The following DPY19L3 variants were observed in gnomAD, a reference collection of about 807,000 sequenced individuals.
DPY19L3 encodes the protein protein C-mannosyl-transferase DPY19L3.
In DPY19L3, 51 loss-of-function variants were observed where a neutral mutation model predicts 92.3. The observed-to-expected ratio is 0.55, with a 90% CI of 0.44 to 0.70. The LOEUF (loss-of-function observed/expected upper bound fraction) is 0.70. DPY19L3 is among the 30% of genes least tolerant of loss of function. DPY19L3 has a pLI of 0.00. For synonymous variants in DPY19L3, 309 were observed against 315.2 expected, an observed-to-expected ratio of 0.98 and a Z score of 0.21; for missense variants, 706 against 855.9, an observed-to-expected ratio of 0.82 and a Z score of 2.18.
chr19:32,422,568 A>AG (rs1968607359), intron 3 of DPY19L3, among the ~76,000 whole-genome samples: 1 of 151,912 alleles, frequency 6.6e-6, no homozygotes, highest in South Asian at 2.1e-4. Context: ...GAGGACAAAG[A>AG]GCAGCAAGCA....
chr19:32,432,814 C>T lies in DPY19L3; in HGVS notation c.328+8C>T. 6.2e-7 allele frequency: 1 copy of T among 1,612,610 alleles called. No individual in the cohort carries two copies. The highest frequency in any genetic ancestry group is 8.5e-7 in the Non-Finnish European group (1 of 1,178,922). On this transcript the variant is annotated splice_region_variant and intron_variant, in intron 4 of 18. Coordinates refer to ENST00000392250, the MANE Select transcript of DPY19L3 (RefSeq NM_001172774.2). Reference sequence around the variant, plus strand: ...CTCCAACCCTCGTGCAAGGTAATTACAACTGATAGTTTCATTTGGGGTCTC... The same window carrying T: ...CTCCAACCCTCGTGCAAGGTAATTATAACTGATAGTTTCATTTGGGGTCTC...
rs532981830 is a variant in DPY19L3 at position 32,454,521 on chromosome 19, C to T, written c.988-418C>T. ...CCCAGGAGGCGGAGCTTGCAGTGAG[C>T]GGAGATTGCTCTGCTGCCCTCCAGC... On this transcript the variant is annotated intron_variant, in intron 9 of 18. Coordinates refer to ENST00000392250, the MANE Select transcript of DPY19L3 (RefSeq NM_001172774.2). Among the ~76,000 whole-genome samples, 5 of 152,158 alleles carry T rather than the reference C, an allele frequency of 3.3e-5. No homozygotes were observed. The South Asian group carries it at 6.2e-4, about 19-fold the overall frequency.
Position 32,483,277 on chromosome 19 carries a change from G to A in DPY19L3, c.*1037G>A, listed in dbSNP as rs934135236. On this transcript the variant is annotated 3_prime_UTR_variant, in exon 19 of 19. Transcript: ENST00000392250. ...TGTGGTCTCCAATCTTACTGGGAAG[G>A]CCCTGGTAGTGTAATTCTTTTCCTT... 6.6e-6 allele frequency: 1 copy of A among 152,518 alleles called. No individual in the cohort carries two copies. The highest frequency in any genetic ancestry group is 6.5e-5 in the Admixed American group (1 of 15,270). 9.4% of individuals were successfully genotyped at this position (152,518 alleles called of 1,614,324 possible).
At chr19:32,478,726 C>T (rs555218008) in intron 17 of DPY19L3, among the ~76,000 whole-genome samples, 11 of 152,332 alleles carry the variant, frequency 7.2e-5, no homozygotes, top group African/African-American at 2.6e-4. Flanking sequence ...AGTATATTAA[C>T]AGCTTCCTTC....
intron 2 of DPY19L3, among the ~76,000 whole-genome samples, chr19:32,408,679 T>C (rs905490254): frequency 6.6e-6 from 1 of 152,226 alleles, no homozygotes; most frequent in Non-Finnish European, 1.5e-5. Flanking sequence ...TGGTCGTGTA[T>C]ACTATTTACA....
intron 15 of DPY19L3, among the ~76,000 whole-genome samples, chr19:32,467,095 C>T (rs866081499): frequency 1.3e-5 from 2 of 152,232 alleles, no homozygotes. Flanking sequence ...CTAGCCTGCA[C>T]TCCGAAGTCA....
chr19:32,413,858 T>A (rs1276819380), intron 3 of DPY19L3, among the ~76,000 whole-genome samples: 1 of 152,084 alleles, frequency 6.6e-6, no homozygotes, highest in Admixed American at 6.6e-5. Context: ...CCCGAGTAGC[T>A]GGGACCACAG....
chr19:32,425,257 A>G (rs531654840), intron 3 of DPY19L3, among the ~76,000 whole-genome samples: 52 of 152,336 alleles, frequency 3.4e-4, no homozygotes, highest in Middle Eastern at 3.4e-3. Context: ...TTGTACTCCA[A>G]AGTACACCAT....
At chr19:32,456,005 G>GTCCT (rs1320607022) in intron 10 of DPY19L3, among the ~76,000 whole-genome samples, 1 of 151,220 alleles carries the variant, frequency 6.6e-6, no homozygotes, top group Non-Finnish European at 1.5e-5. Flanking sequence ...GAGAACTGTG[G>GTCCT]TCCTTGTTCA....
chr19:32,421,716 A>G (rs17832737), intron 3 of DPY19L3, among the ~76,000 whole-genome samples: 26,223 of 151,510 alleles, frequency 0.17, 3,064 homozygotes, highest in East Asian at 0.45. Context: ...AGTTAGTGGC[A>G]TCTCCTAAGG....
chr19:32,461,422 C>T (rs1350775188), intron 12 of DPY19L3, among the ~76,000 whole-genome samples: 1 of 152,238 alleles, frequency 6.6e-6, no homozygotes, highest in East Asian at 1.9e-4. Context: ...GTACTGCAGA[C>T]TTCTCTTAGG....
chr19:32,480,978 T>C (rs1266701074), intron 18 of DPY19L3: 5 of 405,600 alleles, frequency 1.2e-5, no homozygotes, highest in African/African-American at 2.1e-5. Flanking sequence ...AGGTGGTGGA[T>C]TCCCCCTACC....
At chr19:32,453,122 C>T (rs1969758274) in intron 8 of DPY19L3, 23 bp from the exon 9 acceptor site, 1 of 1,613,486 alleles carries the variant, frequency 6.2e-7, no homozygotes, top group African/African-American at 1.3e-5. Context: ...TGTCTGTACT[C>T]ATCTAATCTT....
intron 3 of DPY19L3, 36 bp downstream of exon 3, chr19:32,411,408 A>T: frequency 1.2e-6 from 2 of 1,611,700 alleles, no homozygotes; most frequent in Non-Finnish European, 1.7e-6. Context: ...TCATTCACTC[A>T]GTGGGATCTC....
chr19:32,423,119 T>C (rs953952821), intron 3 of DPY19L3, among the ~76,000 whole-genome samples: 1 of 152,170 alleles, frequency 6.6e-6, no homozygotes, highest in Non-Finnish European at 1.5e-5. Context: ...AGAAAGATGC[T>C]CAGTGGGGCT....
At chr19:32,431,947 T>G (rs7252579) in intron 3 of DPY19L3, among the ~76,000 whole-genome samples, 134,950 of 152,244 alleles carry the variant, frequency 0.89, 60,084 homozygotes, top group African/African-American at 0.97. Context: ...GTAACTTGTG[T>G]CATCGTGTTG....
chr19:32,445,853 T>G (rs1055480092), intron 8 of DPY19L3, among the ~76,000 whole-genome samples: 7 of 151,914 alleles, frequency 4.6e-5, no homozygotes, highest in East Asian at 3.9e-4. Context: ...ATACAAAAAT[T>G]AGCCAGGTGT....
chr19:32,435,586 TATA>T (rs749526250), intron 4 of DPY19L3, among the ~76,000 whole-genome samples: 1 of 152,224 alleles, frequency 6.6e-6, no homozygotes, highest in Non-Finnish European at 1.5e-5. Flanking sequence ...AACTGTAGTA[TATA>T]GGAGTCTACT....
chr19:32,480,188 C>G (rs1275494521), intron 17 of DPY19L3, among the ~76,000 whole-genome samples: 1 of 152,196 alleles, frequency 6.6e-6, no homozygotes, highest in Non-Finnish European at 1.5e-5. Flanking sequence ...CTGGCTCACT[C>G]TCTTCCCAAG....
Sources: gnomAD v4.1 joint callset for allele counts (sites outside exome capture counted in the v4.1 genomes callset) on GRCh38, gnomAD v4.1.1 for gene constraint, MANE v1.5 for transcripts, NCBI Gene and HGNC (gene_info 2026-07-23, HGNC 2026-07-21) for gene names.